The following TUFT1 variants were observed in gnomAD, a reference collection of about 807,000 sequenced individuals.
TUFT1 encodes tuftelin 1, also known as tuftelin.
A neutral mutation model predicts 57.8 loss-of-function variants in TUFT1; 43 were observed. The observed-to-expected ratio is 0.74, with a 90% CI of 0.58 to 0.96. The LOEUF is 0.96. Among genes scored for constraint, TUFT1 ranks in the 40% least tolerant of loss-of-function variants. The pLI is 0.00. For missense variants in TUFT1, 459 were observed against 489.0 expected, an observed-to-expected ratio of 0.94 and a Z score of 0.58; for synonymous variants, 166 against 176.7, an observed-to-expected ratio of 0.94 and a Z score of 0.48.
intron 9 of TUFT1, among the ~76,000 whole-genome samples, chr1:151,577,342 C>T (rs988951706): frequency 3.3e-5 from 5 of 152,126 alleles, no homozygotes; most frequent in African/African-American, 1.2e-4. Context: ...AAAGTTTCAA[C>T]CCTTTAATCA....
intron 1 of TUFT1, among the ~76,000 whole-genome samples, chr1:151,544,499 G>A (rs575319496): frequency 2.4e-4 from 36 of 152,316 alleles, no homozygotes; most frequent in African/African-American, 8.7e-4. Flanking sequence ...GTTTCATCAT[G>A]TTGGCCAGGC....
intron 1 of TUFT1, among the ~76,000 whole-genome samples, chr1:151,554,049 A>G (rs548411906): frequency 6.6e-5 from 10 of 152,184 alleles, no homozygotes; most frequent in Admixed American, 2.6e-4. Context: ...TTAAGTAAAC[A>G]TTTTATTTTG....
intron 1 of TUFT1, among the ~76,000 whole-genome samples, chr1:151,553,546 A>T (rs1394623582): frequency 3.9e-5 from 6 of 152,038 alleles, no homozygotes; most frequent in African/African-American, 1.4e-4. Context: ...CGGGATGGGG[A>T]GGGGAGGAAT....
chr1:151,557,363 C>A, intron 1 of TUFT1: 2 of 622,538 alleles, frequency 3.2e-6, no homozygotes, highest in Non-Finnish European at 2.9e-6. Context: ...CATTGTTATA[C>A]TTTTTGCTTT....
At position 151,581,036 on chromosome 1, in the gene TUFT1, C is replaced by T. The variant is rs1558017897; in HGVS notation, c.1103C>T (p.Pro368Leu). The change falls in exon 12 of 13, where the codon CCG becomes CTG. Residue 368 changes from proline (P) to leucine (L), a missense_variant. Pro to Leu is a moderately conservative substitution (Grantham distance 98, BLOSUM62 -3). Coordinates refer to ENST00000368849, the MANE Select transcript of TUFT1 (RefSeq NM_020127.3). ...STQARAKTEN[P>L]GSIRISKPPS... ...CAGGCCCGGGCCAAGACAGAGAACC[C>T]GGGCAGGTGAGTGAGCGTGTGTAGA... 1.9e-6 allele frequency: 3 copies of T among 1,613,894 alleles called. No homozygotes were observed. The highest frequency in any genetic ancestry group is 1.3e-5 in the African/African-American group (1 of 74,902).
Position 151,569,689 on chromosome 1 carries a change from C to T in TUFT1, c.513C>T (p.Ser171=). Residue 171 remains serine, a synonymous_variant, in exon 7 of 13, where the codon AGC becomes AGT. Transcript: ENST00000368849. ...VDTCINEDVE[S]LRKTVQDLLA... ...CCTGTATAAATGAGGATGTTGAGAG[C>T]TTGAGGAAGACGGTGCAGGACTTGC... is the stretch of plus-strand genomic sequence containing the variant. The T allele has an allele frequency of 1.2e-6, 2 of 1,613,990 alleles. No individual in the cohort carries two copies. Among genetic ancestry groups the T allele is most frequent in the East Asian group, 4.5e-5 (2 of 44,880 alleles).
intron 1 of TUFT1, 115 bp downstream of exon 1, chr1:151,540,541 T>A (rs1313984230): frequency 5.8e-6 from 7 of 1,211,534 alleles, no homozygotes; most frequent in Non-Finnish European, 8.4e-6. Context: ...GCTCGCGCGG[T>A]CAGCCCTGCG....
In TUFT1 at chr1:151,567,439, T is replaced by G. The variant is rs74849636; in HGVS notation, c.480+1211T>G. Among the ~76,000 whole-genome samples the G allele has an allele frequency of 2.9e-4, 44 of 152,116 alleles. 1 individual carries two copies. In the East Asian group the frequency reaches 8.5e-3, roughly 29 times the overall value. ...TGTAAAGACAGGGTCTCATCATGTT[T>G]CCCAGGCTCATCTCAAACTCCTGGG... is the stretch of plus-strand genomic sequence containing the variant. On this transcript the variant is annotated intron_variant, in intron 6 of 12. Transcript: ENST00000368849.
At chr1:151,546,490 A>G (rs1665346071) in intron 1 of TUFT1, among the ~76,000 whole-genome samples, 1 of 152,142 alleles carries the variant, frequency 6.6e-6, no homozygotes, top group African/African-American at 2.4e-5. Context: ...CTTACCTTAT[A>G]AAGAAATCCT....
chr1:151,549,027 G>A (rs1302398040), intron 1 of TUFT1, among the ~76,000 whole-genome samples: 1 of 152,138 alleles, frequency 6.6e-6, no homozygotes, highest in Non-Finnish European at 1.5e-5. Flanking sequence ...TGAGGAGTGA[G>A]TCAGGGTTGG....
intron 1 of TUFT1, among the ~76,000 whole-genome samples, chr1:151,555,096 G>A (rs1415279083): frequency 6.7e-6 from 1 of 149,474 alleles, no homozygotes; most frequent in Non-Finnish European, 1.5e-5. Context: ...GGGAGGCCGA[G>A]GCGGGTGGAT....
At chr1:151,561,469 GCGCGCA>G in intron 1 of TUFT1, 3 of 319,330 alleles carry the variant, frequency 9.4e-6, no homozygotes, top group East Asian at 2.3e-4. Flanking sequence ...ATGCGCGCGC[GCGCGCA>G]CACACACACA....
chr1:151,562,154 A>C lies in TUFT1; in HGVS notation c.124A>C (p.Ile42Leu). The stretch of plus-strand genomic sequence containing the variant: ...ACTGACAGGAGATGAACTTGAACAC[A>C]TAGCCCAGAAGGTACTGCGGAATTC... ...GELTGDELEH[I>L]AQKAGRKTYA... Residue 42 changes from isoleucine to leucine, a missense_variant, in exon 2 of 13, where the codon ATA (isoleucine) becomes CTA (leucine). Transcript: ENST00000368849. 1 of 1,614,098 alleles carries C rather than the reference A, an allele frequency of 6.2e-7. No individual in the cohort carries two copies. Among genetic ancestry groups the C allele is most frequent in the Non-Finnish European group, 8.5e-7 (1 of 1,179,966 alleles).
intron 11 of TUFT1, 102 bp downstream of exon 11, chr1:151,579,834 G>A (rs1179092492): frequency 5.8e-6 from 7 of 1,203,286 alleles, no homozygotes; most frequent in Non-Finnish European, 4.8e-6. Flanking sequence ...ATGTCTTGCT[G>A]TTGCTCTGAA....
Position 151,540,650 on chromosome 1 carries a change from T to C in TUFT1, c.60+224T>C, listed in dbSNP as rs943168592. ...TGGAGGGTTCGGGGCGTCCCTGCCC[T>C]TTGGTAGGACACTGCGGCTCCTGCC... On this transcript the variant is annotated intron_variant, in intron 1 of 12. Coordinates refer to ENST00000368849, the MANE Select transcript of TUFT1 (RefSeq NM_020127.3). 1.6e-5 allele frequency: 9 copies of C among 568,278 alleles called. No homozygotes were observed. In the Admixed American group the frequency reaches 2.2e-4, roughly 14 times the overall value. 35.2% of individuals were successfully genotyped at this position (568,278 alleles called of 1,614,324 possible).
At chr1:151,564,482 T>C in intron 4 of TUFT1, 43 bp from the exon 5 acceptor site, 1 of 1,517,588 alleles carries the variant, frequency 6.6e-7, no homozygotes. Context: ...GCATGCTCTC[T>C]TTCTCTACCC....
At chr1:151,545,845 TG>T (rs762357462) in intron 1 of TUFT1, 1 of 534,080 alleles carries the variant, frequency 1.9e-6, no homozygotes, top group Admixed American at 1.9e-5. Context: ...GGTCTTAGAC[TG>T]GTGATGGGTC....
At chr1:151,564,675 C>T in intron 5 of TUFT1, 61 bp downstream of exon 5, 2 of 1,386,640 alleles carry the variant, frequency 1.4e-6, no homozygotes, top group Non-Finnish European at 2.0e-6. Flanking sequence ...GCCAGGCAGT[C>T]TCATTTACCA....
chr1:151,582,250 C>T lies in TUFT1; in HGVS notation c.*543C>T, dbSNP rs1558018783. 1 of 455,430 alleles carries T rather than the reference C, an allele frequency of 2.2e-6. No individual in the cohort carries two copies. The highest frequency in any genetic ancestry group is 2.3e-5 in the Admixed American group (1 of 42,572). The allele number at this position is 455,430 out of a possible 1,614,324, so 28.2% of individuals were successfully genotyped here. On this transcript the variant is annotated 3_prime_UTR_variant, in exon 13 of 13. Transcript: ENST00000368849. ...TCCTGCAGACAGATAGTGGGGTTACCTGGCAAGGCCTGGTGAGAGCCAGTG... is the reference window on the plus strand; with the variant it reads ...TCCTGCAGACAGATAGTGGGGTTACTTGGCAAGGCCTGGTGAGAGCCAGTG...
Sources: allele counts gnomAD v4.1 joint callset (sites outside exome capture counted in the v4.1 genomes callset), GRCh38; gene constraint gnomAD v4.1.1; transcripts MANE v1.5; gene names NCBI Gene and HGNC (gene_info 2026-07-23, HGNC 2026-07-21).